Variants in RIGI observed in about 807,000 individuals in gnomAD.
The protein encoded by RIGI is antiviral innate immune response receptor RIG-I.
the RIGI span, among the ~76,000 whole-genome samples, chr9:32,499,316 G>GTTTTTTTTATTTT: frequency 1.7e-5 from 1 of 57,634 alleles, no homozygotes. Context: ...TTTGTGATTT[G>GTTTTTTTTATTTT]TTTTTTTTTT....
At chr9:32,501,010 G>A in the RIGI span, 3 of 1,560,258 alleles carry the variant, frequency 1.9e-6, no homozygotes, top group Non-Finnish European at 2.6e-6. Flanking sequence ...ACCAGAAAAG[G>A]ATCACCAGAC....
chr9:32,480,317 C>T, the RIGI span: 6 of 1,608,056 alleles, frequency 3.7e-6, no homozygotes, highest in East Asian at 2.2e-5. Flanking sequence ...ATCTTTCATT[C>T]GTGCATGCTC....
At chr9:32,488,949 G>A in the RIGI span, 39 of 1,441,582 alleles carry the variant, frequency 2.7e-5, no homozygotes, top group African/African-American at 4.3e-5. Flanking sequence ...TCTCTGGAAA[G>A]GTGTTTATTT....
At chr9:32,474,418 C>T in the RIGI span, among the ~76,000 whole-genome samples, 11 of 152,104 alleles carry the variant, frequency 7.2e-5, no homozygotes, top group African/African-American at 2.7e-4. Flanking sequence ...AATCCCCTCC[C>T]CTGAGTGTGA....
the RIGI span, among the ~76,000 whole-genome samples, chr9:32,482,795 G>C: frequency 6.6e-6 from 1 of 151,902 alleles, no homozygotes; most frequent in Non-Finnish European, 1.5e-5. Context: ...GGAGACGGAG[G>C]TTGCAGTGAA....
At chr9:32,509,645 T>G in the RIGI span, among the ~76,000 whole-genome samples, 1 of 152,014 alleles carries the variant, frequency 6.6e-6, no homozygotes, top group African/African-American at 2.4e-5. Flanking sequence ...GAAACGCCAG[T>G]GCAAAAAGGC....
At chr9:32,493,320 A>T in the RIGI span, among the ~76,000 whole-genome samples, 1 of 152,212 alleles carries the variant, frequency 6.6e-6, no homozygotes, top group African/African-American at 2.4e-5. Context: ...AAAATTACTC[A>T]GTTCACATTA....
At chr9:32,506,817 CT>C in the RIGI span, among the ~76,000 whole-genome samples, 3 of 152,056 alleles carry the variant, frequency 2.0e-5, no homozygotes, top group African/African-American at 7.2e-5. Context: ...AGTTAACTGG[CT>C]GTTCTTTTTG....
chr9:32,485,088 G>C, the RIGI span: 1 of 973,064 alleles, frequency 1.0e-6, no homozygotes, highest in South Asian at 1.6e-5. Flanking sequence ...GACATTGTCT[G>C]AACTAAGGAG....
chr9:32,499,491 C>A, the RIGI span, among the ~76,000 whole-genome samples: 5 of 151,972 alleles, frequency 3.3e-5, no homozygotes, highest in East Asian at 9.7e-4. Context: ...GAGTTTCACT[C>A]ATTGCCCAAG....
At chr9:32,521,178 A>G in the RIGI span, among the ~76,000 whole-genome samples, 1 of 147,322 alleles carries the variant, frequency 6.8e-6, no homozygotes, top group Non-Finnish European at 1.5e-5. Context: ...CAGAAATCCT[A>G]TCTTATAGTC....
chr9:32,493,870 A>C, the RIGI span: 1 of 1,611,114 alleles, frequency 6.2e-7, no homozygotes, highest in Non-Finnish European at 8.5e-7. Context: ...TTTTAAAAGT[A>C]ATCTATACTC....
At chr9:32,525,157 TAAG>T in the RIGI span, among the ~76,000 whole-genome samples, 1 of 152,202 alleles carries the variant, frequency 6.6e-6, no homozygotes, top group Non-Finnish European at 1.5e-5. Context: ...TTTTGCCTAA[TAAG>T]AAGGGCTGTG....
chr9:32,489,429 G>C, the RIGI span: 1 of 1,612,616 alleles, frequency 6.2e-7, no homozygotes, highest in East Asian at 2.2e-5. Flanking sequence ...TAAATGGGCT[G>C]TACAAGTTTG....
the RIGI span, among the ~76,000 whole-genome samples, chr9:32,462,278 T>G: frequency 2.0e-5 from 3 of 152,128 alleles, no homozygotes; most frequent in Non-Finnish European, 1.5e-5. Context: ...TTATTGTCAC[T>G]GCGAATGGAA....
At chr9:32,521,231 C>G in the RIGI span, among the ~76,000 whole-genome samples, 3 of 147,984 alleles carry the variant, frequency 2.0e-5, no homozygotes, top group African/African-American at 7.5e-5. Flanking sequence ...TTAAAATTAG[C>G]TTTAACATTA....
At chr9:32,499,730 A>G in the RIGI span, among the ~76,000 whole-genome samples, 1 of 152,052 alleles carries the variant, frequency 6.6e-6, no homozygotes, top group Non-Finnish European at 1.5e-5. Context: ...TGCTGGGATT[A>G]CAGGTGTGAG....
chr9:32,489,307 A>C, the RIGI span: 2 of 1,476,588 alleles, frequency 1.4e-6, no homozygotes, highest in African/African-American at 2.8e-5. Context: ...AAAGGAAGCA[A>C]ACAGAAAAAC....
At chr9:32,503,631 C>T in the RIGI span, among the ~76,000 whole-genome samples, 2 of 152,272 alleles carry the variant, frequency 1.3e-5, no homozygotes, top group Non-Finnish European at 2.9e-5. Flanking sequence ...TGATCATCAG[C>T]ACAGTACCTG....
Sources: allele counts gnomAD v4.1 joint callset (sites outside exome capture counted in the v4.1 genomes callset), GRCh38; gene constraint gnomAD v4.1.1; transcripts MANE v1.5; gene names NCBI Gene and HGNC (gene_info 2026-07-23, HGNC 2026-07-21).